Variants in NCAM1 observed in about 807,000 individuals in gnomAD.
NCAM1 encodes antigen recognized by monoclonal antibody 5.1H11.
A neutral mutation model predicts 109.8 loss-of-function variants in NCAM1; 14 were observed. The ratio of observed to expected loss-of-function variants is 0.13; its 90% CI spans 0.08 to 0.20. NCAM1 has a LOEUF of 0.20. Among genes scored for constraint, NCAM1 ranks in the 10% least tolerant of loss-of-function variants. The pLI, the probability that NCAM1 is intolerant of heterozygous loss-of-function variation, is 1.00. For missense variants in NCAM1, 774 were observed against 1,109.9 expected (o/e 0.70, Z 4.30); for synonymous variants, 418 against 442.9 (o/e 0.94, Z 0.70).
intron 1 of NCAM1, among the ~76,000 whole-genome samples, chr11:113,198,803 T>A (rs183059510): frequency 6.6e-6 from 1 of 152,232 alleles, no homozygotes. Context: ...AGTAGATGAT[T>A]TTTAATCTTG....
At chr11:112,982,699 A>G (rs1555068942) in intron 1 of NCAM1, among the ~76,000 whole-genome samples, 1 of 151,962 alleles carries the variant, frequency 6.6e-6, no homozygotes, top group Non-Finnish European at 1.5e-5. Flanking sequence ...AATGGAGATT[A>G]TTTAGATTTC....
At chr11:113,120,111 C>T (rs1012600663) in intron 1 of NCAM1, among the ~76,000 whole-genome samples, 19 of 152,332 alleles carry the variant, frequency 1.2e-4, no homozygotes, top group African/African-American at 3.4e-4. Flanking sequence ...CCAGCCTTGA[C>T]TGTGCCAGGT....
At chr11:113,007,469 T>C (rs1204522948) in intron 1 of NCAM1, among the ~76,000 whole-genome samples, 1 of 152,188 alleles carries the variant, frequency 6.6e-6, no homozygotes, top group Non-Finnish European at 1.5e-5. Flanking sequence ...TTTAAACCCC[T>C]AAGAGCCCTT....
chr11:113,188,561 A>G (rs1370481798), intron 1 of NCAM1, among the ~76,000 whole-genome samples: 1 of 152,226 alleles, frequency 6.6e-6, no homozygotes, highest in Admixed American at 6.5e-5. Context: ...GATTGATACT[A>G]GTCTGAGGGC....
At chr11:113,122,552 G>A (rs1477788029) in intron 1 of NCAM1, among the ~76,000 whole-genome samples, 1 of 152,180 alleles carries the variant, frequency 6.6e-6, no homozygotes, top group Non-Finnish European at 1.5e-5. Context: ...GGGAGGCCGA[G>A]GCAGGCGGAT....
chr11:113,162,937 A>C (rs1353590755), intron 1 of NCAM1, among the ~76,000 whole-genome samples: 3 of 152,164 alleles, frequency 2.0e-5, no homozygotes, highest in Non-Finnish European at 2.9e-5. Flanking sequence ...CTTGGGTTGC[A>C]TGGGAAAATC....
At chr11:113,038,996 T>A (rs1306733590) in intron 1 of NCAM1, among the ~76,000 whole-genome samples, 3 of 152,194 alleles carry the variant, frequency 2.0e-5, no homozygotes, top group African/African-American at 7.2e-5. Context: ...TTCACGTATG[T>A]AAATGTCATC....
intron 1 of NCAM1, among the ~76,000 whole-genome samples, chr11:113,119,567 A>G (rs1288040778): frequency 6.6e-6 from 1 of 152,068 alleles, no homozygotes; most frequent in Non-Finnish European, 1.5e-5. Flanking sequence ...GGACGTGCAA[A>G]ATTTGCTTGC....
intron 1 of NCAM1, among the ~76,000 whole-genome samples, chr11:112,983,135 A>G (rs1951197714): frequency 6.6e-6 from 1 of 151,996 alleles, no homozygotes. Flanking sequence ...TGCCCTTTTT[A>G]TATGGTGGTA....
chr11:113,096,324 T>A (rs1555090422), intron 1 of NCAM1, among the ~76,000 whole-genome samples: 1 of 151,932 alleles, frequency 6.6e-6, no homozygotes, highest in Admixed American at 6.6e-5. Flanking sequence ...CAGAGAAAAA[T>A]TAATGACAAG....
At chr11:113,076,111 G>T (rs980425040) in intron 1 of NCAM1, among the ~76,000 whole-genome samples, 1 of 152,204 alleles carries the variant, frequency 6.6e-6, no homozygotes, top group Non-Finnish European at 1.5e-5. Flanking sequence ...GTCTAGAGAG[G>T]CTGGGGTTCT....
At chr11:113,135,978 C>T (rs1941581982) in intron 1 of NCAM1, among the ~76,000 whole-genome samples, 2 of 152,162 alleles carry the variant, frequency 1.3e-5, no homozygotes, top group Admixed American at 1.3e-4. Context: ...GGACACTGGA[C>T]ACTTAACTTG....
chr11:113,230,855 T>C (rs782576008), intron 9 of NCAM1, among the ~76,000 whole-genome samples: 4 of 152,206 alleles, frequency 2.6e-5, no homozygotes, highest in Non-Finnish European at 4.4e-5. Context: ...TTGGAAATAC[T>C]CCAGTACCCA....
chr11:112,979,983 C>T (rs1460642308), intron 1 of NCAM1, among the ~76,000 whole-genome samples: 2 of 151,638 alleles, frequency 1.3e-5, no homozygotes, highest in African/African-American at 4.8e-5. Flanking sequence ...AGGATGAAAA[C>T]ACTCATTAAA....
intron 1 of NCAM1, among the ~76,000 whole-genome samples, chr11:113,045,308 C>T (rs1555080611): frequency 6.6e-6 from 1 of 151,744 alleles, no homozygotes; most frequent in East Asian, 2.0e-4. Context: ...AGAGGATGGC[C>T]GTTTTCAGGG....
chr11:113,266,156 T>C (rs782715740), intron 17 of NCAM1, among the ~76,000 whole-genome samples: 1 of 152,100 alleles, frequency 6.6e-6, no homozygotes, highest in Non-Finnish European at 1.5e-5. Context: ...TTATGAAATA[T>C]TACACAAGAG....
At chr11:113,107,474 A>T (rs1158524348) in intron 1 of NCAM1, among the ~76,000 whole-genome samples, 2 of 152,210 alleles carry the variant, frequency 1.3e-5, no homozygotes, top group Admixed American at 1.3e-4. Flanking sequence ...GGTGATAAAG[A>T]CATACCTGAG....
At chr11:113,109,255 T>C (rs1591332858) in intron 1 of NCAM1, among the ~76,000 whole-genome samples, 1 of 148,296 alleles carries the variant, frequency 6.7e-6, no homozygotes, top group Non-Finnish European at 1.5e-5. Flanking sequence ...GGCTGAGGCA[T>C]GAGAATTGCT....
chr11:113,053,092 A>G (rs1384774350), intron 1 of NCAM1, among the ~76,000 whole-genome samples: 1 of 152,166 alleles, frequency 6.6e-6, no homozygotes, highest in Admixed American at 6.5e-5. Context: ...ACTTGTGCCT[A>G]TGTCCTCTTT....
Sources: allele counts gnomAD v4.1 joint callset (sites outside exome capture counted in the v4.1 genomes callset), GRCh38; gene constraint gnomAD v4.1.1; transcripts MANE v1.5; gene names NCBI Gene and HGNC (gene_info 2026-07-23, HGNC 2026-07-21).